Variants in C12orf76 observed in about 807,000 individuals in gnomAD.
C12orf76 encodes the protein chromosome 12 open reading frame 76.
A neutral mutation model predicts 6.8 loss-of-function variants in C12orf76; 6 were observed. That is an observed-to-expected ratio of 0.88 (90% CI 0.48 to 1.73). C12orf76 has a LOEUF of 1.73. C12orf76 is among the 40% of genes most tolerant of loss of function. C12orf76 has a pLI of 0.01. For missense variants in C12orf76, 99 were observed against 98.2 expected, an observed-to-expected ratio of 1.01 and a Z score of -0.03; for synonymous variants, 56 against 43.7, an observed-to-expected ratio of 1.28 and a Z score of -1.11.
intron 3 of C12orf76, among the ~76,000 whole-genome samples, chr12:110,057,665 T>TTA (rs1892692968): frequency 6.6e-6 from 1 of 152,120 alleles, no homozygotes; most frequent in African/African-American, 2.4e-5. Flanking sequence ...ACCACTAACT[T>TTA]AGTGGCTTTC....
At chr12:110,051,094 T>C, upstream of C12orf76, 2 of 780,776 alleles carry the variant, frequency 2.6e-6, 1 homozygote, top group South Asian at 2.7e-5. Context: ...TGCTGTCCTT[T>C]TCACCTTGCT....
chr12:110,070,066 C>T (rs573024808), upstream of C12orf76, among the ~76,000 whole-genome samples: 50 of 147,718 alleles, frequency 3.4e-4, no homozygotes, highest in Non-Finnish European at 5.8e-4. Flanking sequence ...CTGGACAACA[C>T]GGTGAAACCC....
intron 1 of C12orf76, among the ~76,000 whole-genome samples, chr12:110,072,948 CAA>C (rs199763898): frequency 1.2e-4 from 12 of 100,400 alleles, no homozygotes; most frequent in Non-Finnish European, 1.3e-4. Context: ...GACTTCATCT[CAA>C]AAAAAAAAAA....
chr12:110,073,378 T>A (rs779572634), intron 1 of C12orf76: 6 of 510,402 alleles, frequency 1.2e-5, no homozygotes, highest in Admixed American at 6.2e-5. Flanking sequence ...TTCTGTGCTG[T>A]CAACCACTGC....
intron 1 of C12orf76, chr12:110,067,374 G>A (rs1350757548): frequency 1.0e-5 from 10 of 978,298 alleles, no homozygotes; most frequent in Middle Eastern, 5.2e-4. Flanking sequence ...CAATTACCTA[G>A]ATAGAGTCTC....
intron 1 of C12orf76, among the ~76,000 whole-genome samples, chr12:110,043,051 G>A (rs1295306621): frequency 1.3e-5 from 2 of 151,490 alleles, no homozygotes; most frequent in Admixed American, 6.6e-5. Context: ...CTAAGCGACA[G>A]AATGAAACTC....
At chr12:110,051,138 G>C, upstream of C12orf76, 1 of 780,470 alleles carries the variant, frequency 1.3e-6, no homozygotes, top group Non-Finnish European at 2.4e-6. Context: ...CTTTCCACTG[G>C]TACAGCTTGC....
At chr12:110,045,663 T>TAA (rs1202882600) in intron 1 of C12orf76, among the ~76,000 whole-genome samples, 1 of 151,002 alleles carries the variant, frequency 6.6e-6, no homozygotes, top group Non-Finnish European at 1.5e-5. Context: ...AATCTACCTT[T>TAA]AAAAAATAAA....
upstream of C12orf76, among the ~76,000 whole-genome samples, chr12:110,068,323 AAGAAGAAGG>A (rs1286275378): frequency 1.8e-4 from 24 of 135,052 alleles, no homozygotes; most frequent in South Asian, 4.6e-4. Flanking sequence ...GAAGAAGAAG[AAGAAGAAGG>A]CGGCCAAATA....
intron 2 of C12orf76, among the ~76,000 whole-genome samples, chr12:110,063,815 G>A (rs1054590841): frequency 4.0e-5 from 6 of 151,550 alleles, no homozygotes; most frequent in African/African-American, 1.5e-4. Flanking sequence ...GCTGAGACAG[G>A]AGAATTGCCT....
chr12:110,070,594 G>T (rs1236070384), upstream of C12orf76, among the ~76,000 whole-genome samples: 2 of 152,112 alleles, frequency 1.3e-5, no homozygotes, highest in Non-Finnish European at 1.5e-5. Flanking sequence ...AAGAAAGAAA[G>T]AAATTGTATG....
At chr12:110,043,279 G>C (rs1210635999) in intron 1 of C12orf76, among the ~76,000 whole-genome samples, 1 of 152,002 alleles carries the variant, frequency 6.6e-6, no homozygotes, top group Non-Finnish European at 1.5e-5. Context: ...TCTGTGCAAG[G>C]CCTTGGAGAC....
intron 2 of C12orf76, among the ~76,000 whole-genome samples, chr12:110,060,794 G>A (rs574495474): frequency 1.3e-5 from 2 of 152,026 alleles, no homozygotes; most frequent in Admixed American, 6.5e-5. Flanking sequence ...CCAGCACTTT[G>A]GGAGGCTGAG....
intron 1 of C12orf76, among the ~76,000 whole-genome samples, chr12:110,047,532 G>A (rs181444405): frequency 1.6e-4 from 24 of 152,124 alleles, no homozygotes; most frequent in Admixed American, 1.5e-3. Flanking sequence ...ACAACAAAAT[G>A]AGCCAGGTGT....
In C12orf76 at chr12:110,048,389, T is replaced by A; in HGVS notation, c.107A>T (p.Tyr36Phe). The A allele has an allele frequency of 2.0e-6, 3 of 1,515,800 alleles. No individual in the cohort carries two copies. The highest frequency in any genetic ancestry group is 1.2e-5 in the South Asian group (1 of 82,810). 93.9% of individuals were successfully genotyped at this position (1,515,800 alleles called of 1,614,324 possible). The change falls in exon 1 of 2, where the codon TAC becomes TTC. Residue 36 changes from tyrosine (Y) to phenylalanine (F), a missense_variant. Transcript: ENST00000615315. ...PVDPLERSRP[Y>F]AVLRGQNLVL... ...CAGGTTCTGCCCTCGCAGCACCGCG[T>A]ACGGCCGGCTCCGCTCCAGCGGATC...
chr12:110,068,247 A>AAAGAAGAAGAGGAAGAAG (rs1555253363), upstream of C12orf76, among the ~76,000 whole-genome samples: 3 of 63,776 alleles, frequency 4.7e-5, no homozygotes, highest in Non-Finnish European at 9.1e-5. Flanking sequence ...GAAGAAGAAG[A>AAAGAAGAAGAGGAAGAAG]AAGAAGAAGA....
upstream of C12orf76, among the ~76,000 whole-genome samples, chr12:110,053,307 T>G (rs918056413): frequency 6.6e-6 from 1 of 151,992 alleles, no homozygotes; most frequent in African/African-American, 2.4e-5. Context: ...GAGACCAGCC[T>G]GGCCAACATG....
At chr12:110,059,107 C>T (rs1343553646) in exon 3 of C12orf76, 1 of 1,551,440 alleles carries the variant, frequency 6.4e-7, no homozygotes, top group African/African-American at 1.4e-5. Context: ...CCTCAGCTCT[C>T]TTAAATGCTA....
At chr12:110,065,989 G>A in exon 2 of C12orf76, 1 of 1,611,376 alleles carries the variant, frequency 6.2e-7, no homozygotes, top group Non-Finnish European at 8.5e-7. Flanking sequence ...TCCAGAACTG[G>A]GTCATCTCTG....
Sources: allele counts gnomAD v4.1 joint callset (sites outside exome capture counted in the v4.1 genomes callset), GRCh38; gene constraint gnomAD v4.1.1; transcripts MANE v1.5; gene names NCBI Gene and HGNC (gene_info 2026-07-23, HGNC 2026-07-21).